OR2L13: variants seen among roughly 807,000 people sequenced by gnomAD.
The protein encoded by OR2L13 is olfactory receptor 2L13.
Under a neutral mutation model 15.3 loss-of-function variants are expected in OR2L13, and 14 were observed. The observed-to-expected ratio is 0.91, with a 90% confidence interval of 0.60 to 1.43. The LOEUF (loss-of-function observed/expected upper bound fraction) is 1.43, where lower values mean the gene tolerates loss of function less well. Ranked by LOEUF, OR2L13 falls within the 40% of genes most tolerant of loss-of-function variation. The pLI is 0.00. For synonymous variants in OR2L13, 152 were observed against 142.9 expected (o/e 1.06, Z -0.45); for missense variants, 367 against 387.9 (o/e 0.95, Z 0.45).
chr1:248,026,313 T>A, the OR2L13 span, among the ~76,000 whole-genome samples: 1 of 152,188 alleles, frequency 6.6e-6, no homozygotes. Flanking sequence ...TCCTTCTGCC[T>A]TCACCACTCC....
chr1:248,004,480 A>G, the OR2L13 span, among the ~76,000 whole-genome samples: 4 of 152,326 alleles, frequency 2.6e-5, no homozygotes, highest in Admixed American at 1.3e-4. Context: ...GGTGGATCCA[A>G]TTGAAAACTG....
the OR2L13 span, among the ~76,000 whole-genome samples, chr1:248,020,840 C>T: frequency 1.3e-5 from 2 of 151,062 alleles, 1 homozygote; most frequent in Non-Finnish European, 3.0e-5. Context: ...TTTTAGGGTA[C>T]ATGTGCACAA....
chr1:248,038,335 G>T, the OR2L13 span: 6 of 1,613,390 alleles, frequency 3.7e-6, no homozygotes, highest in South Asian at 5.5e-5. Flanking sequence ...TCAAGAATTG[G>T]CCTTTTCGTA....
the OR2L13 span, among the ~76,000 whole-genome samples, chr1:248,025,225 C>G: frequency 6.8e-6 from 1 of 147,534 alleles, no homozygotes; most frequent in Non-Finnish European, 1.5e-5. Context: ...TATCCAGAAT[C>G]TACAATGAAC....
chr1:248,075,615 A>AT, the OR2L13 span, among the ~76,000 whole-genome samples: 68 of 152,188 alleles, frequency 4.5e-4, 1 homozygote, highest in South Asian at 0.014. Context: ...GATGATGAGC[A>AT]TTTTTTCATT....
chr1:247,959,651 C>A, the OR2L13 span, among the ~76,000 whole-genome samples: 1 of 151,972 alleles, frequency 6.6e-6, no homozygotes, highest in African/African-American at 2.4e-5. Flanking sequence ...TCTTTTTATT[C>A]TTTTTTCTCT....
the OR2L13 span, among the ~76,000 whole-genome samples, chr1:248,028,453 A>G: frequency 6.6e-6 from 1 of 152,258 alleles, no homozygotes; most frequent in South Asian, 2.1e-4. Flanking sequence ...GGGAAATAGA[A>G]TGGAGCTTCT....
upstream of OR2L13, among the ~76,000 whole-genome samples, chr1:248,093,364 C>T (rs932903271): frequency 8.5e-5 from 13 of 152,116 alleles, no homozygotes; most frequent in South Asian, 4.1e-4. Context: ...ATTGGACTTT[C>T]CTCAAGTCAC....
At chr1:248,006,802 A>G in the OR2L13 span, among the ~76,000 whole-genome samples, 2 of 152,146 alleles carry the variant, frequency 1.3e-5, no homozygotes, top group Admixed American at 6.5e-5. Context: ...AGTACCAACT[A>G]TGGTGTCATA....
chr1:248,055,407 T>C, the OR2L13 span, among the ~76,000 whole-genome samples: 1 of 152,154 alleles, frequency 6.6e-6, no homozygotes, highest in East Asian at 1.9e-4. Context: ...TTTTCTTTTT[T>C]TTTTGTTATG....
At chr1:247,987,359 T>C in the OR2L13 span, among the ~76,000 whole-genome samples, 1 of 152,066 alleles carries the variant, frequency 6.6e-6, no homozygotes, top group African/African-American at 2.4e-5. Flanking sequence ...AGATAACTTT[T>C]TTTCTTCTTT....
chr1:247,965,201 G>A, the OR2L13 span: 188 of 689,548 alleles, frequency 2.7e-4, no homozygotes, highest in African/African-American at 3.2e-3. Context: ...ATGCGAGAAT[G>A]TGTTTGCCAT....
chr1:247,996,666 T>G, the OR2L13 span, among the ~76,000 whole-genome samples: 1 of 152,220 alleles, frequency 6.6e-6, no homozygotes, highest in South Asian at 2.1e-4. Context: ...GAGGTACACC[T>G]AAACATCTTT....
chr1:248,097,134 C>T (rs1417680577), upstream of OR2L13: 2 of 152,218 alleles, frequency 1.3e-5, no homozygotes, highest in African/African-American at 4.8e-5. Context: ...ACTCCTGATT[C>T]CTCCCTTTCT....
At chr1:248,009,675 C>T in the OR2L13 span, among the ~76,000 whole-genome samples, 1 of 152,062 alleles carries the variant, frequency 6.6e-6, no homozygotes, top group Non-Finnish European at 1.5e-5. Context: ...ATGAGGACAG[C>T]ATCTCCCCAA....
chr1:247,994,263 G>A, the OR2L13 span, among the ~76,000 whole-genome samples: 5 of 152,186 alleles, frequency 3.3e-5, no homozygotes, highest in Admixed American at 1.3e-4. Flanking sequence ...CGGGCGTGGT[G>A]GCGGGCGCCT....
chr1:248,055,603 A>T, the OR2L13 span, among the ~76,000 whole-genome samples: 1 of 152,122 alleles, frequency 6.6e-6, no homozygotes, highest in Non-Finnish European at 1.5e-5. Context: ...TAAAAATACA[A>T]AAAATTAGCC....
At chr1:248,024,398 A>C in the OR2L13 span, 8 of 152,220 alleles carry the variant, frequency 5.3e-5, no homozygotes, top group Non-Finnish European at 1.0e-4. Flanking sequence ...TATTTACAAC[A>C]TTGAACTTAT....
the OR2L13 span, among the ~76,000 whole-genome samples, chr1:248,015,354 T>C: frequency 6.6e-6 from 1 of 152,164 alleles, no homozygotes; most frequent in Non-Finnish European, 1.5e-5. Context: ...AGAGCCGTCC[T>C]TGCCTATACT....
Sources: gnomAD v4.1 joint callset for allele counts (sites outside exome capture counted in the v4.1 genomes callset) on GRCh38, gnomAD v4.1.1 for gene constraint, MANE v1.5 for transcripts, NCBI Gene and HGNC (gene_info 2026-07-23, HGNC 2026-07-21) for gene names.